Variants in NBEA observed in about 807,000 individuals in gnomAD.
The protein encoded by NBEA is neurobeachin.
Under a neutral mutation model 343.4 loss-of-function variants are expected in NBEA, and 44 were observed. The observed-to-expected ratio is 0.13, with a 90% CI of 0.10 to 0.16. The LOEUF is 0.16. Ranked by LOEUF, NBEA falls within the 10% of genes least tolerant of loss-of-function variation. NBEA has a pLI of 1.00. For missense variants in NBEA, 2,555 were observed against 3,631.3 expected, an observed-to-expected ratio of 0.70 and a Z score of 7.62; for synonymous variants, 1,175 against 1,238.7, an observed-to-expected ratio of 0.95 and a Z score of 1.08.
In NBEA at chr13:35,636,540, A is replaced by G. The variant is rs1007464241; in HGVS notation, c.7617+8292A>G. 2.6e-5 allele frequency among the ~76,000 whole-genome samples: 4 copies of G among 152,302 alleles called. No individual in the cohort carries two copies. The East Asian group carries it at 7.7e-4, about 29-fold the overall frequency. Reference sequence around the variant, plus strand: ...CAGCTTTTTAAAAAAATATTTTCCCATGATTAAACACTTCTAGTGAACTTA... The same window carrying G: ...CAGCTTTTTAAAAAAATATTTTCCCGTGATTAAACACTTCTAGTGAACTTA... On this transcript the variant is annotated intron_variant, in intron 49 of 58. Coordinates refer to ENST00000379939, the MANE Select transcript of NBEA (RefSeq NM_001385012.1).
intron 5 of NBEA, 108 bp from the exon 6 acceptor site, chr13:35,050,161 C>A (rs544160489): frequency 2.2e-6 from 2 of 928,776 alleles, no homozygotes; most frequent in Admixed American, 3.5e-5. Flanking sequence ...TAAACTGCTT[C>A]TACTGTACAG....
intron 34 of NBEA, among the ~76,000 whole-genome samples, chr13:35,268,801 C>T (rs1206256075): frequency 4.0e-5 from 6 of 151,888 alleles, no homozygotes; most frequent in Non-Finnish European, 7.4e-5. Flanking sequence ...AAAAATCTGT[C>T]AGAAGAAAAA....
chr13:35,301,512 G>A (rs1202690163), intron 35 of NBEA, among the ~76,000 whole-genome samples: 9 of 152,084 alleles, frequency 5.9e-5, no homozygotes, highest in Non-Finnish European at 8.8e-5. Context: ...TGCAAAGGAC[G>A]TGAACTCGTT....
At chr13:35,607,477 A>T (rs912711637) in intron 48 of NBEA, among the ~76,000 whole-genome samples, 1 of 152,208 alleles carries the variant, frequency 6.6e-6, no homozygotes, top group South Asian at 2.1e-4. Context: ...GTAGGTGACA[A>T]TAAACCACTT....
chr13:34,950,103 G>C (rs1458569926), intron 1 of NBEA, among the ~76,000 whole-genome samples: 1 of 152,098 alleles, frequency 6.6e-6, no homozygotes, highest in Non-Finnish European at 1.5e-5. Flanking sequence ...ATGGTCTGGG[G>C]CTTCACTGGA....
At chr13:35,386,563 C>G (rs2042251907) in intron 38 of NBEA, among the ~76,000 whole-genome samples, 1 of 152,024 alleles carries the variant, frequency 6.6e-6, no homozygotes, top group African/African-American at 2.4e-5. Context: ...ATAGGCTTAT[C>G]TAATCCTGTA....
intron 1 of NBEA, among the ~76,000 whole-genome samples, chr13:35,035,437 CTG>C (rs1268182710): frequency 6.6e-6 from 1 of 151,896 alleles, no homozygotes; most frequent in Non-Finnish European, 1.5e-5. Flanking sequence ...AACATATGGT[CTG>C]TCTTTTCAGT....
chr13:35,554,621 ACTAC>A (rs1415051057), intron 43 of NBEA, among the ~76,000 whole-genome samples: 1 of 152,230 alleles, frequency 6.6e-6, no homozygotes, highest in South Asian at 2.1e-4. Context: ...CAGGTACCTG[ACTAC>A]CTACCTACCT....
At chr13:34,963,400 T>C (rs183150052) in intron 1 of NBEA, among the ~76,000 whole-genome samples, 11 of 152,110 alleles carry the variant, frequency 7.2e-5, no homozygotes, top group Admixed American at 3.9e-4. Flanking sequence ...ATCTGACTTA[T>C]CTCTTTAAAG....
At position 35,638,781 on chromosome 13, in the gene NBEA, G is replaced by A. The variant is rs137973954; in HGVS notation, c.7618-7088G>A. ...AAATTGAGTGAGCTTGTCATTGATGGCACTGATCTGATTTGGACAGAAAAT... is the reference window on the plus strand; with the variant it reads ...AAATTGAGTGAGCTTGTCATTGATGACACTGATCTGATTTGGACAGAAAAT... On this transcript the variant is annotated intron_variant, in intron 49 of 58. Transcript: ENST00000379939. 4.5e-4 allele frequency among the ~76,000 whole-genome samples: 68 copies of A among 152,280 alleles called. 1 individual carries two copies. The highest frequency in any genetic ancestry group is 1.6e-3 in the African/African-American group (66 of 41,556).
At chr13:35,632,320 G>A (rs578126228) in intron 49 of NBEA, among the ~76,000 whole-genome samples, 1 of 152,228 alleles carries the variant, frequency 6.6e-6, no homozygotes, top group South Asian at 2.1e-4. Context: ...ATGCTCAAAT[G>A]TGGCCCATAA....
chr13:35,480,629 A>G (rs2076085880), intron 41 of NBEA, among the ~76,000 whole-genome samples: 1 of 152,000 alleles, frequency 6.6e-6, no homozygotes, highest in Non-Finnish European at 1.5e-5. Flanking sequence ...CTACTGCTGG[A>G]GTGGCTTTGA....
intron 5 of NBEA, 130 bp from the exon 6 acceptor site, chr13:35,050,139 T>C (rs971369650): frequency 1.6e-6 from 1 of 620,384 alleles, no homozygotes; most frequent in Non-Finnish European, 2.4e-6. Flanking sequence ...TTAGTTTTTA[T>C]TTGACACATA....
intron 8 of NBEA, among the ~76,000 whole-genome samples, chr13:35,066,543 G>A (rs1217562371): frequency 6.6e-6 from 1 of 151,844 alleles, no homozygotes; most frequent in Non-Finnish European, 1.5e-5. Context: ...ATTATCCAAT[G>A]TCTTTTTAAT....
intron 31 of NBEA, among the ~76,000 whole-genome samples, chr13:35,201,842 C>T (rs2073044730): frequency 6.6e-6 from 1 of 152,018 alleles, no homozygotes; most frequent in South Asian, 2.1e-4. Flanking sequence ...CTACATTAGC[C>T]CCTCAGCGTC....
chr13:35,581,329 T>A (rs538718294), intron 45 of NBEA, among the ~76,000 whole-genome samples: 37 of 152,172 alleles, frequency 2.4e-4, no homozygotes, highest in South Asian at 8.3e-4. Flanking sequence ...TGGTGTGAGA[T>A]GGTATCTCAT....
At chr13:35,336,193 A>G (rs1174487295) in intron 36 of NBEA, among the ~76,000 whole-genome samples, 1 of 152,120 alleles carries the variant, frequency 6.6e-6, no homozygotes, top group East Asian at 1.9e-4. Flanking sequence ...TAATGAAAAC[A>G]CCAACAAATC....
intron 41 of NBEA, among the ~76,000 whole-genome samples, chr13:35,515,797 G>A (rs966057655): frequency 1.3e-5 from 2 of 151,362 alleles, no homozygotes; most frequent in African/African-American, 2.4e-5. Flanking sequence ...TAAATGAAGG[G>A]TGTGAGTAAT....
At chr13:35,455,803 A>T (rs1278941098) in intron 40 of NBEA, among the ~76,000 whole-genome samples, 1 of 152,116 alleles carries the variant, frequency 6.6e-6, no homozygotes, top group Non-Finnish European at 1.5e-5. Flanking sequence ...TCAAGAGATT[A>T]AGTAACTTGC....
Sources: gnomAD v4.1 joint callset for allele counts (sites outside exome capture counted in the v4.1 genomes callset) on GRCh38, gnomAD v4.1.1 for gene constraint, MANE v1.5 for transcripts, NCBI Gene and HGNC (gene_info 2026-07-23, HGNC 2026-07-21) for gene names.